The following DYNC2H1 variants were observed in gnomAD, a reference collection of about 807,000 sequenced individuals.
DYNC2H1 encodes dynein cytoplasmic 2 heavy chain 1.
A neutral mutation model predicts 570.0 loss-of-function variants in DYNC2H1; 410 were observed. The observed-to-expected ratio is 0.72, with a 90% confidence interval of 0.66 to 0.78. The LOEUF (loss-of-function observed/expected upper bound fraction) is 0.78, where lower values mean the gene tolerates loss of function less well. DYNC2H1 is among the 30% of genes least tolerant of loss of function. The pLI, the probability that DYNC2H1 is intolerant of heterozygous loss-of-function variation, is 0.00. For synonymous variants in DYNC2H1, 1,688 were observed against 1,677.6 expected (o/e 1.01, Z -0.15); for missense variants, 4,865 against 5,046.4 (o/e 0.96, Z 1.09).
chr11:103,147,913 T>A (rs746969707), intron 19 of DYNC2H1, 26 bp downstream of exon 19: 9 of 1,471,922 alleles, frequency 6.1e-6, no homozygotes, highest in Non-Finnish European at 8.4e-6. Flanking sequence ...AATTTTTATT[T>A]TTACTTAATT....
Position 103,239,631 on chromosome 11 carries a change from C to T in DYNC2H1, c.9819+3092C>T, listed in dbSNP as rs1278577367. On this transcript the variant is annotated intron_variant, in intron 63 of 88. Coordinates refer to ENST00000375735, the MANE Select transcript of DYNC2H1 (RefSeq NM_001377.3). The surrounding 1 kb of genome is among the most constrained non-coding windows in gnomAD (Gnocchi z 4.3). The stretch of plus-strand genomic sequence containing the variant: ...AGGCCACCTAGCTCCTGTCTATACA[C>T]TTCTCATAGGAGTGTGTGTGTGTGT... 6.7e-6 allele frequency among the ~76,000 whole-genome samples: 1 copy of T among 149,686 alleles called. No individual in the cohort carries two copies. Among genetic ancestry groups the T allele is most frequent in the Non-Finnish European group, 1.5e-5 (1 of 67,528 alleles).
chr11:103,121,472 T>C lies in DYNC2H1; in HGVS notation c.1461T>C (p.Val487=), dbSNP rs1858707220. ...TTTCAGAAGTTGTCAACAGTATAGTTTGGGTTCGCCAGTTGGAATTGAAGG... is the reference window on the plus strand; with the variant it reads ...TTTCAGAAGTTGTCAACAGTATAGTCTGGGTTCGCCAGTTGGAATTGAAGG... The part of the protein sequence containing the change: ...KNLSEVVNSI[V]WVRQLELKVD... Residue 487 remains valine (V), a synonymous_variant, in exon 10 of 89, where the codon GTT becomes GTC. Coordinates refer to ENST00000375735, the MANE Select transcript of DYNC2H1 (RefSeq NM_001377.3). 6.2e-7 allele frequency: 1 copy of C among 1,612,974 alleles called. No individual in the cohort carries two copies.
At chr11:103,442,906 T>C (rs1450433416) in intron 85 of DYNC2H1, among the ~76,000 whole-genome samples, 1 of 151,736 alleles carries the variant, frequency 6.6e-6, no homozygotes, top group Non-Finnish European at 1.5e-5. Flanking sequence ...GTTAGTAATA[T>C]CTCCTATGCT....
intron 83 of DYNC2H1, among the ~76,000 whole-genome samples, chr11:103,399,181 C>T (rs1480869963): frequency 3.8e-5 from 5 of 133,130 alleles, no homozygotes; most frequent in Admixed American, 9.0e-5. Context: ...CTCACTCTGT[C>T]GCCCAGGCTG....
Position 103,170,190 on chromosome 11 carries a change from G to A in DYNC2H1, c.5051G>A (p.Gly1684Glu). The A allele has an allele frequency of 6.2e-7, 1 of 1,613,104 alleles. No individual in the cohort carries two copies. The highest frequency in any genetic ancestry group is 8.5e-7 in the Non-Finnish European group (1 of 1,179,464). ...TLTQAMKMGL[G>E]GNPYGPAGTG... ...ACTCAAGCCATGAAGATGGGACTTGGAGGAAATCCTTATGGACCAGCTGGA... is the reference window on the plus strand; with the variant it reads ...ACTCAAGCCATGAAGATGGGACTTGAAGGAAATCCTTATGGACCAGCTGGA... The change falls in exon 33 of 89, where the codon GGA (glycine) becomes GAA (glutamate). Residue 1684 changes from glycine to glutamate, a missense_variant. Coordinates refer to ENST00000375735, the MANE Select transcript of DYNC2H1 (RefSeq NM_001377.3). The surrounding 1 kb of genome is among the most constrained non-coding windows in gnomAD (Gnocchi z 4.8).
Position 103,234,047 on chromosome 11 carries a change from A to G in DYNC2H1, c.9454A>G (p.Thr3152Ala), listed in dbSNP as rs1864127046. The G allele has an allele frequency of 6.4e-7, 1 of 1,556,212 alleles. No homozygotes were observed. The highest frequency in any genetic ancestry group is 1.9e-5 in the Admixed American group (1 of 51,546). Residue 3152 changes from threonine (T) to alanine (A), a missense_variant, in exon 61 of 89, where the codon ACT becomes GCT. Thr to Ala is a moderately conservative substitution (Grantham distance 58). This residue lies in a region of DYNC2H1 where 2,401 missense variants were observed against 2,454.6 expected (regional missense o/e 0.98). Coordinates refer to ENST00000375735, the MANE Select transcript of DYNC2H1 (RefSeq NM_001377.3). ...ATGTTTACATAGATTTCAGAGCAGG[A>G]CTTCAGAAGCTGCCAAACTTGAGGC... ...SELKEKFQSR[T>A]SEAAKLEAEV...
chr11:103,399,372 T>A (rs918784966), intron 83 of DYNC2H1, among the ~76,000 whole-genome samples: 1 of 148,784 alleles, frequency 6.7e-6, no homozygotes, highest in African/African-American at 2.5e-5. Context: ...GCCAGACTGG[T>A]CTCAAACTCC....
Position 103,191,520 on chromosome 11 carries a change from C to A in DYNC2H1, c.7441C>A (p.Arg2481=). ...TTTACTGTATTTTCTTTTTCAGGTG[C>A]GAGCCAAATTTACAGTTGATGATTA... ...GSMVQVYEQV[R]AKFTVDDYSH... is the part of the protein sequence containing the mutation. Residue 2481 remains arginine, a synonymous_variant, in exon 46 of 89, where the codon CGA becomes AGA. Transcript: ENST00000375735. 6.3e-7 allele frequency: 1 copy of A among 1,599,042 alleles called. No homozygotes were observed. Among genetic ancestry groups the A allele is most frequent in the Non-Finnish European group, 8.5e-7 (1 of 1,171,518 alleles).
rs1830471720 is a variant in DYNC2H1 at position 103,151,501 on chromosome 11, A to G, written c.2947-635A>G. 6.6e-6 allele frequency among the ~76,000 whole-genome samples: 1 copy of G among 152,186 alleles called. No individual in the cohort carries two copies. Among genetic ancestry groups the G allele is most frequent in the Non-Finnish European group, 1.5e-5 (1 of 68,030 alleles). On this transcript the variant is annotated intron_variant, in intron 20 of 88. Coordinates refer to ENST00000375735, the MANE Select transcript of DYNC2H1 (RefSeq NM_001377.3). This position sits in a 1 kb window ranked among gnomAD's most constrained non-coding sequence, Gnocchi z 4.6. Reference sequence around the variant, plus strand: ...TTGAATAGTAAAAGTACAGATATTAATTATAGGATACTGTTGTTTTACAGA... The same window carrying G: ...TTGAATAGTAAAAGTACAGATATTAGTTATAGGATACTGTTGTTTTACAGA...
At position 103,243,300 on chromosome 11, in the gene DYNC2H1, GATAGATAA is replaced by G. The variant is rs200601728; in HGVS notation, c.9820-387_9820-380del. Among the ~76,000 whole-genome samples, 17,476 of 81,418 alleles carry G rather than the reference GATAGATAA, an allele frequency of 0.21. 1,127 individuals are homozygous for G. Among genetic ancestry groups the G allele is most frequent in the South Asian group, 0.29 (763 of 2,632 alleles). The allele number at this position is 81,418 out of a possible 152,430, so 53.4% of individuals were successfully genotyped here. On this transcript the variant is annotated intron_variant, in intron 63 of 88. Coordinates refer to ENST00000375735, the MANE Select transcript of DYNC2H1 (RefSeq NM_001377.3). This position sits in a 1 kb window ranked among gnomAD's most constrained non-coding sequence, Gnocchi z 4.8. ...AGATAGATAGATAGATAGATAGATA[GATAGATAA>G]ATAGAGAATAATTTGACTGTGTATT...
rs772318570 is a variant in DYNC2H1 at position 103,461,629 on chromosome 11, A to T, written c.12648+5273A>T. Among the ~76,000 whole-genome samples the T allele has an allele frequency of 2.0e-5, 3 of 152,178 alleles. No homozygotes were observed. The highest frequency in any genetic ancestry group is 4.4e-5 in the Non-Finnish European group (3 of 68,030). ...CATATGCGGTATAGTATATACAGTAACCACATATGGCTGCTGAGCACATAC... is the reference window on the plus strand; with the variant it reads ...CATATGCGGTATAGTATATACAGTATCCACATATGGCTGCTGAGCACATAC... On this transcript the variant is annotated intron_variant, in intron 87 of 88. Transcript: ENST00000375735. This position sits in a 1 kb window ranked among gnomAD's most constrained non-coding sequence, Gnocchi z 4.8.
At position 103,135,794 on chromosome 11, in the gene DYNC2H1, T is replaced by C. The variant is rs773627405; in HGVS notation, c.2420T>C (p.Ile807Thr). ...AKYYREMKRF[I>T]GIPNQFKGVG... ...TATTATAGAGAAATGAAGAGATTCATCGGCATTCCAAATCAGTTTAAGGGA... is the reference window on the plus strand; with the variant it reads ...TATTATAGAGAAATGAAGAGATTCACCGGCATTCCAAATCAGTTTAAGGGA... Residue 807 changes from isoleucine (I) to threonine (T), a missense_variant, in exon 17 of 89, where the codon ATC becomes ACC. Ile to Thr is a moderately conservative substitution (Grantham distance 89, BLOSUM62 -1). Around this residue, in one of 5 missense-constraint regions of DYNC2H1, gnomAD observed 1,936 missense variants for 1,962.1 expected, o/e 0.99. Transcript: ENST00000375735. The C allele has an allele frequency of 5.6e-6, 9 of 1,613,082 alleles. No homozygotes were observed. The Admixed American group carries it at 1.5e-4, about 27-fold the overall frequency.
intron 65 of DYNC2H1, among the ~76,000 whole-genome samples, chr11:103,251,752 T>C (rs1864839708): frequency 6.6e-6 from 1 of 152,166 alleles, no homozygotes; most frequent in Non-Finnish European, 1.5e-5. Flanking sequence ...CTCTATATAT[T>C]TGAGATCAAG....
At chr11:103,342,405 A>C (rs1188712666) in intron 82 of DYNC2H1, among the ~76,000 whole-genome samples, 1 of 152,190 alleles carries the variant, frequency 6.6e-6, no homozygotes, top group Admixed American at 6.5e-5. Context: ...CACCCCAGCC[A>C]GCTGCAGCAA....
intron 6 of DYNC2H1, among the ~76,000 whole-genome samples, 160 bp from the exon 7 acceptor site, chr11:103,120,287 C>T (rs544285890): frequency 1.3e-5 from 2 of 152,226 alleles, no homozygotes; most frequent in African/African-American, 4.8e-5. Context: ...GTTGTTGTCA[C>T]GTGGCAATTC....
At chr11:103,122,258 A>G (rs1858759334) in intron 10 of DYNC2H1, among the ~76,000 whole-genome samples, 1 of 152,206 alleles carries the variant, frequency 6.6e-6, no homozygotes, top group South Asian at 2.1e-4. Context: ...ATATTACAAA[A>G]GCCAGCATGT....
chr11:103,336,740 G>A (rs768800740), intron 82 of DYNC2H1, among the ~76,000 whole-genome samples: 15 of 152,100 alleles, frequency 9.9e-5, no homozygotes, highest in Non-Finnish European at 2.2e-4. Context: ...GCCATATCTT[G>A]ACTATTGTGA....
At chr11:103,400,403 A>G (rs1942589942) in intron 84 of DYNC2H1, among the ~76,000 whole-genome samples, 1 of 152,292 alleles carries the variant, frequency 6.6e-6, no homozygotes. Flanking sequence ...TAACACATAT[A>G]CTGAGAGTAA....
intron 65 of DYNC2H1, among the ~76,000 whole-genome samples, chr11:103,248,894 CA>C (rs1035265522): frequency 2.1e-4 from 32 of 151,802 alleles, no homozygotes; most frequent in African/African-American, 7.5e-4. Flanking sequence ...AAAAAACAAA[CA>C]AAAAAACAAA....
Sources: gnomAD v4.1 joint callset for allele counts (sites outside exome capture counted in the v4.1 genomes callset) on GRCh38, gnomAD v4.1.1 for gene constraint, gnomAD v4.1.1 regional missense constraint, Gnocchi (gnomAD v3.1) non-coding constraint, MANE v1.5 for transcripts, NCBI Gene and HGNC (gene_info 2026-07-23, HGNC 2026-07-21) for gene names.